FGD4: variants seen among roughly 807,000 people sequenced by gnomAD.
The protein encoded by FGD4 is FYVE, RhoGEF and PH domain containing 4.
In FGD4, 42 loss-of-function variants were observed where a neutral mutation model predicts 102.0. That is an observed-to-expected ratio of 0.41 (90% CI 0.32 to 0.53). The LOEUF (loss-of-function observed/expected upper bound fraction) is 0.53. FGD4 is among the 20% of genes least tolerant of loss of function. The probability of loss-of-function intolerance (pLI) is 0.21; values close to 1 mark genes in which losing one functional copy is unlikely to be tolerated. For synonymous variants in FGD4, 380 were observed against 375.7 expected (o/e 1.01, Z -0.13); for missense variants, 902 against 1,078.2 (o/e 0.84, Z 2.29).
chr12:32,503,059 T>A (rs1220517653), intron 1 of FGD4, among the ~76,000 whole-genome samples: 1 of 152,206 alleles, frequency 6.6e-6, no homozygotes, highest in Non-Finnish European at 1.5e-5. Context: ...TTTTTCTGTG[T>A]GGCTAAGAGG....
Position 32,616,863 on chromosome 12 carries a change from T to G in FGD4, c.1750-2835T>G, listed in dbSNP as rs76254632. Among the ~76,000 whole-genome samples the G allele has an allele frequency of 5.1e-4, 78 of 152,324 alleles. 2 individuals are homozygous for G. The highest frequency in any genetic ancestry group is 1.8e-4 in the Non-Finnish European group (12 of 68,018). Reference sequence around the variant, plus strand: ...AGAACACCTGAGACTGGCTAATTTATAAAGAACAGGGGTTTATTTTCTGCA... The same window carrying G: ...AGAACACCTGAGACTGGCTAATTTAGAAAGAACAGGGGTTTATTTTCTGCA... On this transcript the variant is annotated intron_variant, in intron 10 of 16. Coordinates refer to ENST00000534526, the MANE Select transcript of FGD4 (RefSeq NM_001370298.3).
chr12:32,615,632 C>T (rs1028288146), intron 10 of FGD4, among the ~76,000 whole-genome samples: 1 of 151,762 alleles, frequency 6.6e-6, no homozygotes, highest in Admixed American at 6.6e-5. Context: ...TGACTGCCAT[C>T]GGAAGGGCAG....
chr12:32,502,899 C>G (rs1179695945), intron 1 of FGD4, among the ~76,000 whole-genome samples: 2 of 152,184 alleles, frequency 1.3e-5, no homozygotes, highest in Non-Finnish European at 2.9e-5. Context: ...TGCATGCAGG[C>G]ACCGTGGTAA....
At chr12:32,541,734 C>A (rs985017896) in intron 1 of FGD4, among the ~76,000 whole-genome samples, 2 of 152,036 alleles carry the variant, frequency 1.3e-5, no homozygotes, top group Non-Finnish European at 2.9e-5. Flanking sequence ...TATCACCAAG[C>A]CTTTTTTAGA....
chr12:32,551,754 A>G (rs890276305), intron 1 of FGD4, among the ~76,000 whole-genome samples: 1 of 152,212 alleles, frequency 6.6e-6, no homozygotes, highest in Non-Finnish European at 1.5e-5. Flanking sequence ...AGAAAAATAT[A>G]CCATCAGTTT....
At chr12:32,538,604 T>C (rs1942517576) in intron 1 of FGD4, among the ~76,000 whole-genome samples, 1 of 152,172 alleles carries the variant, frequency 6.6e-6, no homozygotes, top group African/African-American at 2.4e-5. Flanking sequence ...GATTGGAATC[T>C]GTGGCTGAGC....
At chr12:32,586,489 T>C (rs1306299443) in intron 4 of FGD4, among the ~76,000 whole-genome samples, 1 of 152,234 alleles carries the variant, frequency 6.6e-6, no homozygotes, top group Admixed American at 6.5e-5. Context: ...ATTTCCCCCA[T>C]ATGAATTCAA....
chr12:32,429,138 G>A (rs1434340379), intron 1 of FGD4, among the ~76,000 whole-genome samples: 1 of 152,104 alleles, frequency 6.6e-6, no homozygotes. Context: ...TTTTTGCTCT[G>A]GTTTTTCCTC....
chr12:32,439,897 A>G (rs868197495), intron 1 of FGD4, among the ~76,000 whole-genome samples: 5 of 151,756 alleles, frequency 3.3e-5, no homozygotes, highest in Admixed American at 6.6e-5. Flanking sequence ...CAAATAGCCT[A>G]TCTTCAGGCT....
intron 1 of FGD4, among the ~76,000 whole-genome samples, chr12:32,542,945 C>T (rs1041126673): frequency 5.9e-5 from 9 of 152,132 alleles, no homozygotes; most frequent in African/African-American, 2.2e-4. Flanking sequence ...TTCTTCACAG[C>T]AACAACCAGT....
At chr12:32,531,265 T>A (rs1195884692) in intron 1 of FGD4, among the ~76,000 whole-genome samples, 4 of 152,114 alleles carry the variant, frequency 2.6e-5, no homozygotes, top group Admixed American at 2.6e-4. Context: ...GCCTCTTTTT[T>A]AATGAATAAA....
intron 1 of FGD4, among the ~76,000 whole-genome samples, chr12:32,469,816 T>G (rs1488030792): frequency 6.6e-6 from 1 of 151,818 alleles, no homozygotes; most frequent in Non-Finnish European, 1.5e-5. Flanking sequence ...TGCGGCACCA[T>G]GCCTGGCTAA....
chr12:32,626,171 G>T (rs564233657), intron 14 of FGD4, among the ~76,000 whole-genome samples: 1 of 152,214 alleles, frequency 6.6e-6, no homozygotes, highest in Non-Finnish European at 1.5e-5. Flanking sequence ...GGGGCTGGGC[G>T]CAGTGGCTTA....
At chr12:32,500,387 TTTTATTTTTA>T (rs1190088662) in intron 1 of FGD4, among the ~76,000 whole-genome samples, 2 of 149,512 alleles carry the variant, frequency 1.3e-5, no homozygotes, top group African/African-American at 2.5e-5. Context: ...CCTTATTTTA[TTTTATTTTTA>T]TTTTATTTTA....
intron 1 of FGD4, among the ~76,000 whole-genome samples, chr12:32,503,235 C>T (rs1466360951): frequency 6.6e-6 from 1 of 152,076 alleles, no homozygotes; most frequent in African/African-American, 2.4e-5. Context: ...TCATTGAAAC[C>T]ATAGGGCCAG....
intron 1 of FGD4, among the ~76,000 whole-genome samples, chr12:32,512,171 G>T (rs886546107): frequency 1.3e-5 from 2 of 152,060 alleles, no homozygotes; most frequent in Non-Finnish European, 2.9e-5. Flanking sequence ...TTGTGGCCGG[G>T]TGCAGTGGCT....
At chr12:32,611,590 T>TA (rs892147413) in intron 10 of FGD4, among the ~76,000 whole-genome samples, 3 of 151,640 alleles carry the variant, frequency 2.0e-5, no homozygotes, top group African/African-American at 7.3e-5. Flanking sequence ...AGACTCCATC[T>TA]AAAAAAAAGG....
intron 1 of FGD4, among the ~76,000 whole-genome samples, chr12:32,497,717 A>G (rs919828743): frequency 6.6e-6 from 1 of 152,176 alleles, no homozygotes; most frequent in African/African-American, 2.4e-5. Context: ...TTTTTACTAA[A>G]AGTACATCCT....
chr12:32,625,996 A>G (rs1950144926), intron 14 of FGD4, among the ~76,000 whole-genome samples: 1 of 152,262 alleles, frequency 6.6e-6, no homozygotes, highest in South Asian at 2.1e-4. Context: ...TGGGGAAGAC[A>G]GACAAATAAG....
Sources: allele counts gnomAD v4.1 joint callset (sites outside exome capture counted in the v4.1 genomes callset), GRCh38; gene constraint gnomAD v4.1.1; transcripts MANE v1.5; gene names NCBI Gene and HGNC (gene_info 2026-07-23, HGNC 2026-07-21).